CLEC12A: variants seen among roughly 807,000 people sequenced by gnomAD.
CLEC12A encodes the protein C-type lectin domain family 12 member A, also known as C-type lectin protein CLL-1.
Under a neutral mutation model 26.5 loss-of-function variants are expected in CLEC12A, and 22 were observed. The observed-to-expected ratio is 0.83, with a 90% confidence interval of 0.59 to 1.19. CLEC12A has a LOEUF of 1.19. Among genes scored for constraint, CLEC12A ranks in the 50% most tolerant of loss-of-function variants. The pLI is 0.00. For synonymous variants in CLEC12A, 119 were observed against 101.9 expected (o/e 1.17, Z -1.01); for missense variants, 353 against 315.6 (o/e 1.12, Z -0.90).
In CLEC12A at chr12:9,985,508, C is replaced by T; in HGVS notation, c.*482C>T. On this transcript the variant is annotated 3_prime_UTR_variant, in exon 6 of 6. Coordinates refer to ENST00000304361, the MANE Select transcript of CLEC12A (RefSeq NM_138337.6). ...CTTATAGCCAATTGATTGTTCTAGG[C>T]CAGGTAAGAATGGATATGGACATGC... is the stretch of plus-strand genomic sequence containing the variant. 2.5e-6 allele frequency: 1 copy of T among 398,584 alleles called. No individual in the cohort carries two copies. The highest frequency in any genetic ancestry group is 4.4e-6 in the Non-Finnish European group (1 of 226,138). The allele number at this position is 398,584 out of a possible 1,614,324, so 24.7% of individuals were successfully genotyped here. A position where few individuals can be genotyped will look rare whatever the true frequency, so the allele number is the denominator to read the frequency against.
intron 4 of CLEC12A, among the ~76,000 whole-genome samples, chr12:9,993,524 C>T (rs1330231389): frequency 6.6e-6 from 1 of 151,952 alleles, no homozygotes; most frequent in Non-Finnish European, 1.5e-5. Flanking sequence ...AGCAAGGGAA[C>T]AGTAGGTACA....
chr12:10,003,668 C>T, the CLEC12A span, among the ~76,000 whole-genome samples: 2 of 152,252 alleles, frequency 1.3e-5, no homozygotes, highest in East Asian at 1.9e-4. Context: ...AATCCCAACA[C>T]GTTGGGAGGC....
intron 1 of CLEC12A, chr12:9,951,487 CAG>C: frequency 2.9e-6 from 2 of 685,382 alleles, no homozygotes; most frequent in Non-Finnish European, 5.3e-6. Flanking sequence ...TGTTCCAGTT[CAG>C]ACACTCTTGG....
chr12:9,993,238 G>C (rs1035753548), intron 4 of CLEC12A: 1 of 1,612,688 alleles, frequency 6.2e-7, no homozygotes, highest in Non-Finnish European at 8.5e-7. Context: ...TTCCCATTAT[G>C]AAAATAAGCA....
the CLEC12A span, among the ~76,000 whole-genome samples, chr12:10,001,407 T>C: frequency 6.6e-6 from 1 of 152,242 alleles, no homozygotes; most frequent in Non-Finnish European, 1.5e-5. Context: ...TTCATTCCTC[T>C]TTCTCATTGT....
chr12:9,997,303 A>C, downstream of CLEC12A: 2 of 1,585,040 alleles, frequency 1.3e-6, no homozygotes, highest in South Asian at 2.2e-5. Flanking sequence ...GTAAATAATA[A>C]TAATTTGTAA....
upstream of CLEC12A, among the ~76,000 whole-genome samples, chr12:9,967,059 G>A (rs76208710): frequency 0.56 from 81,822 of 146,496 alleles, 22,620 homozygotes; most frequent in South Asian, 0.72. Flanking sequence ...AGCTGGGCCA[G>A]GTGTGAGGAG....
chr12:9,957,352 G>T (rs559900310), intron 1 of CLEC12A, among the ~76,000 whole-genome samples: 1 of 152,094 alleles, frequency 6.6e-6, no homozygotes, highest in South Asian at 2.1e-4. Flanking sequence ...GCTGGGTGTG[G>T]TGGTGCACGG....
intron 1 of CLEC12A, among the ~76,000 whole-genome samples, chr12:9,958,657 G>A (rs953182881): frequency 6.6e-6 from 1 of 152,206 alleles, no homozygotes; most frequent in African/African-American, 2.4e-5. Context: ...CTTTCCTGGG[G>A]CTTGGACCCA....
At chr12:9,993,818 T>C (rs148690063) in intron 4 of CLEC12A, among the ~76,000 whole-genome samples, 3 of 152,286 alleles carry the variant, frequency 2.0e-5, no homozygotes, top group African/African-American at 7.2e-5. Flanking sequence ...TCTTTCTTTC[T>C]AAACTGCTTA....
chr12:9,972,827 A>G (rs1021697323), intron 1 of CLEC12A, among the ~76,000 whole-genome samples: 2 of 152,144 alleles, frequency 1.3e-5, no homozygotes, highest in African/African-American at 2.4e-5. Flanking sequence ...GAATTTTACA[A>G]TATTTTCTGT....
At chr12:9,969,065 G>C (rs1343276603), upstream of CLEC12A, among the ~76,000 whole-genome samples, 3 of 152,204 alleles carry the variant, frequency 2.0e-5, no homozygotes, top group Non-Finnish European at 4.4e-5. Flanking sequence ...CATGGAAGCA[G>C]AGAGTAGAAT....
chr12:9,996,932 T>C (rs1865064834), downstream of CLEC12A: 1 of 1,614,012 alleles, frequency 6.2e-7, no homozygotes. Flanking sequence ...AAGTTGTGCC[T>C]GAAGAACCCA....
At chr12:9,953,455 T>TGG (rs1311164036) in intron 1 of CLEC12A, 1 of 86,660 alleles carries the variant, frequency 1.2e-5, no homozygotes, top group Admixed American at 1.2e-4. Flanking sequence ...GGGAGGGAGG[T>TGG]GGGGGGGGTC....
chr12:9,965,251 G>A (rs1024867929), intron 1 of CLEC12A, among the ~76,000 whole-genome samples: 17 of 152,102 alleles, frequency 1.1e-4, no homozygotes, highest in African/African-American at 3.4e-4. Flanking sequence ...TAAGAATTCT[G>A]ACTGCCCTAA....
downstream of CLEC12A, chr12:9,999,355 G>T (rs76080418): frequency 4.1e-3 from 1,369 of 330,150 alleles, 18 homozygotes; most frequent in African/African-American, 0.022. Context: ...AGTAGATAAG[G>T]TATTTGCTTC....
intron 1 of CLEC12A, among the ~76,000 whole-genome samples, chr12:9,956,073 C>T (rs1388248390): frequency 1.3e-5 from 2 of 152,170 alleles, no homozygotes; most frequent in African/African-American, 4.8e-5. Flanking sequence ...CACAAGAAAG[C>T]TGCACTTTGG....
At chr12:9,997,332 T>C, downstream of CLEC12A, 1 of 1,500,842 alleles carries the variant, frequency 6.7e-7, no homozygotes, top group Non-Finnish European at 9.1e-7. Flanking sequence ...ATAGAAATGA[T>C]GCAAAGGTCT....
At chr12:9,994,894 G>C in intron 4 of CLEC12A, 1 of 958,378 alleles carries the variant, frequency 1.0e-6, no homozygotes, top group Non-Finnish European at 1.4e-6. Flanking sequence ...TGGTAAGGTT[G>C]AATGTAAAAA....
Sources: allele counts gnomAD v4.1 joint callset (sites outside exome capture counted in the v4.1 genomes callset), GRCh38; gene constraint gnomAD v4.1.1; transcripts MANE v1.5; gene names NCBI Gene and HGNC (gene_info 2026-07-23, HGNC 2026-07-21).